Variants in VEGFC observed in about 807,000 individuals in gnomAD.
VEGFC encodes vascular endothelial growth factor C.
Under a neutral mutation model 46.1 loss-of-function variants are expected in VEGFC, and 12 were observed. The ratio of observed to expected loss-of-function variants is 0.26; its 90% confidence interval spans 0.17 to 0.42. VEGFC has a LOEUF of 0.42. VEGFC is among the 10% of genes least tolerant of loss of function. The pLI, the probability that VEGFC is intolerant of heterozygous loss-of-function variation, is 1.00. For synonymous variants in VEGFC, 232 were observed against 195.5 expected, an observed-to-expected ratio of 1.19 and a Z score of -1.56; for missense variants, 488 against 529.4, an observed-to-expected ratio of 0.92 and a Z score of 0.77.
At position 176,727,861 on chromosome 4, in the gene VEGFC, C is replaced by A; in HGVS notation, c.469G>T (p.Val157Leu). 2 of 1,613,992 alleles carry A rather than the reference C, an allele frequency of 1.2e-6. No homozygotes were observed. Among genetic ancestry groups the A allele is most frequent in the Non-Finnish European group, 1.7e-6 (2 of 1,179,930 alleles). ...CAACCCCCACATCTGTAGACGGACACACATGGAGGTTTAAAGAAGGTGTTT... is the reference window on the plus strand; with the variant it reads ...CAACCCCCACATCTGTAGACGGACAAACATGGAGGTTTAAAGAAGGTGTTT... The part of the protein sequence containing the change: ...ATNTFFKPPC[V>L]SVYRCGGCCN... The change falls in exon 3 of 7, where the codon GTG (valine) becomes TTG (leucine). Residue 157 changes from valine (V) to leucine (L), a missense_variant. Transcript: ENST00000618562.
chr4:176,739,570 C>A (rs552113003), intron 1 of VEGFC, among the ~76,000 whole-genome samples: 1 of 151,920 alleles, frequency 6.6e-6, no homozygotes, highest in East Asian at 2.0e-4. Context: ...TGGGAGGGAA[C>A]AACACACACT....
rs150162803 is a variant in VEGFC at position 176,716,441 on chromosome 4, G to A, written c.553-4791C>T. On this transcript the variant is annotated intron_variant, in intron 3 of 6. Coordinates refer to ENST00000618562, the MANE Select transcript of VEGFC (RefSeq NM_005429.5). ...AAAATACTAAAATTAGCTGGGTGGC[G>A]TGGCGGATGCCTGTAATCCCAGCTA... 9.2e-3 allele frequency among the ~76,000 whole-genome samples: 1,399 copies of A among 151,890 alleles called. 25 individuals are homozygous for A. Among genetic ancestry groups the A allele is most frequent in the African/African-American group, 0.031 (1,286 of 41,418 alleles).
intron 4 of VEGFC, among the ~76,000 whole-genome samples, chr4:176,694,435 C>A (rs1453352062): frequency 6.6e-6 from 1 of 151,970 alleles, no homozygotes; most frequent in Non-Finnish European, 1.5e-5. Flanking sequence ...GCTAACTATC[C>A]TAAATATATA....
chr4:176,769,429 G>C (rs988474153), intron 1 of VEGFC, among the ~76,000 whole-genome samples: 1 of 152,148 alleles, frequency 6.6e-6, no homozygotes, highest in Non-Finnish European at 1.5e-5. Context: ...TCACAGAACA[G>C]AGAAGTTCTA....
At chr4:176,711,738 G>A in intron 3 of VEGFC, 88 bp from the exon 4 acceptor site, 1 of 1,362,588 alleles carries the variant, frequency 7.3e-7, no homozygotes, top group Non-Finnish European at 1.0e-6. Context: ...AAAAGAGTGA[G>A]ATTAGCTCTA....
At chr4:176,768,486 T>TTACACATATATATATATA (rs1553996832) in intron 1 of VEGFC, among the ~76,000 whole-genome samples, 1 of 21,974 alleles carries the variant, frequency 4.6e-5, no homozygotes, top group Non-Finnish European at 1.6e-4. Flanking sequence ...AGAGGATGTT[T>TTACACATATATATATATA]TATACATATA....
Position 176,792,122 on chromosome 4 carries a change from A to G in VEGFC, c.147+43T>C. The G allele has an allele frequency of 7.0e-7, 1 of 1,428,662 alleles. No homozygotes were observed. The highest frequency in any genetic ancestry group is 9.2e-7 in the Non-Finnish European group (1 of 1,088,408). 88.5% of individuals were successfully genotyped at this position (1,428,662 alleles called of 1,614,324 possible). ...GTTCTCGGGTCCGCCGCAGACCCTA[A>G]CGCAAACTCTCGGGTTCTCCGCAAA... On this transcript the variant is annotated intron_variant, in intron 1 of 6. Coordinates refer to ENST00000618562, the MANE Select transcript of VEGFC (RefSeq NM_005429.5). The surrounding 1 kb of genome is among the most constrained non-coding windows in gnomAD (Gnocchi z 6.3).
chr4:176,771,293 T>C (rs1414393503), intron 1 of VEGFC, among the ~76,000 whole-genome samples: 1 of 152,186 alleles, frequency 6.6e-6, no homozygotes, highest in African/African-American at 2.4e-5. Context: ...TGATGATCTA[T>C]GGAAACTGAC....
At chr4:176,723,958 G>A (rs1283791973) in intron 3 of VEGFC, among the ~76,000 whole-genome samples, 2 of 152,078 alleles carry the variant, frequency 1.3e-5, no homozygotes, top group Non-Finnish European at 2.9e-5. Flanking sequence ...AGGTTTGGGG[G>A]TGCATGTGCA....
At chr4:176,766,009 GA>G (rs936297688) in intron 1 of VEGFC, among the ~76,000 whole-genome samples, 133 of 150,004 alleles carry the variant, frequency 8.9e-4, no homozygotes, top group African/African-American at 2.9e-3. Flanking sequence ...ACTATACACA[GA>G]AAAAAAAAGA....
At chr4:176,721,383 G>A (rs539904598) in intron 3 of VEGFC, among the ~76,000 whole-genome samples, 1 of 152,208 alleles carries the variant, frequency 6.6e-6, no homozygotes, top group East Asian at 1.9e-4. Flanking sequence ...ATAAGGCAAT[G>A]TTATCAAGGA....
At chr4:176,766,131 A>G (rs1001457924) in intron 1 of VEGFC, among the ~76,000 whole-genome samples, 1 of 152,194 alleles carries the variant, frequency 6.6e-6, no homozygotes, top group African/African-American at 2.4e-5. Flanking sequence ...AAACTTAAAA[A>G]TGATTATATA....
intron 4 of VEGFC, among the ~76,000 whole-genome samples, chr4:176,706,871 C>A (rs1036839706): frequency 6.6e-6 from 1 of 152,180 alleles, no homozygotes; most frequent in African/African-American, 2.4e-5. Context: ...CACAATGTCT[C>A]TCTTGCCCAT....
intron 1 of VEGFC, among the ~76,000 whole-genome samples, chr4:176,763,562 G>A (rs544644170): frequency 1.7e-4 from 26 of 152,070 alleles, no homozygotes; most frequent in African/African-American, 5.1e-4. Context: ...CTTGAGTAGC[G>A]GTACACTGGC....
chr4:176,686,465 T>G (rs1734044323), intron 6 of VEGFC, among the ~76,000 whole-genome samples: 2 of 152,006 alleles, frequency 1.3e-5, no homozygotes, highest in East Asian at 1.9e-4. Context: ...GGAAAAAAAG[T>G]AGAGTTGAAG....
intron 1 of VEGFC, among the ~76,000 whole-genome samples, chr4:176,744,535 C>T (rs970692778): frequency 6.6e-6 from 1 of 151,964 alleles, no homozygotes; most frequent in African/African-American, 2.4e-5. Flanking sequence ...AGGCCTGTTC[C>T]TGTATAGCCT....
At chr4:176,767,041 T>G (rs116455652) in intron 1 of VEGFC, among the ~76,000 whole-genome samples, 2,214 of 125,538 alleles carry the variant, frequency 0.018, 45 homozygotes, top group Middle Eastern at 0.15. Context: ...AAAAGACCAG[T>G]AAGAGATGGA....
At chr4:176,714,138 T>C (rs986673281) in intron 3 of VEGFC, among the ~76,000 whole-genome samples, 9 of 152,240 alleles carry the variant, frequency 5.9e-5, no homozygotes, top group African/African-American at 2.2e-4. Context: ...AAATCTCATG[T>C]TGAAATGTGA....
intron 4 of VEGFC, among the ~76,000 whole-genome samples, chr4:176,699,631 C>A (rs1490523206): frequency 1.3e-5 from 2 of 152,140 alleles, no homozygotes; most frequent in African/African-American, 4.8e-5. Flanking sequence ...CTGTCATGTT[C>A]ATCTTGAGTT....
Sources: allele counts gnomAD v4.1 joint callset (sites outside exome capture counted in the v4.1 genomes callset), GRCh38; gene constraint gnomAD v4.1.1; non-coding constraint Gnocchi (gnomAD v3.1); transcripts MANE v1.5; gene names NCBI Gene and HGNC (gene_info 2026-07-23, HGNC 2026-07-21).